SLC4A10: variants seen among roughly 807,000 people sequenced by gnomAD.
SLC4A10 encodes sodium-driven chloride bicarbonate exchanger.
A neutral mutation model predicts 137.7 loss-of-function variants in SLC4A10; 42 were observed. The observed-to-expected ratio is 0.30, with a 90% CI of 0.24 to 0.39. The LOEUF (loss-of-function observed/expected upper bound fraction) is 0.39, where lower values mean the gene tolerates loss of function less well. SLC4A10 is among the 10% of genes least tolerant of loss of function. SLC4A10 has a pLI of 1.00. For synonymous variants in SLC4A10, 474 were observed against 464.1 expected (o/e 1.02, Z -0.27); for missense variants, 925 against 1,355.0 (o/e 0.68, Z 4.98).
intron 11 of SLC4A10, among the ~76,000 whole-genome samples, chr2:161,899,516 A>T (rs2063877626): frequency 6.6e-6 from 1 of 152,084 alleles, no homozygotes; most frequent in African/African-American, 2.4e-5. Context: ...ATTTTATCTA[A>T]TCTATCAATG....
intron 14 of SLC4A10, 82 bp downstream of exon 14, chr2:161,904,991 A>T (rs1273523091): frequency 1.4e-6 from 2 of 1,424,064 alleles, no homozygotes; most frequent in Non-Finnish European, 1.9e-6. Context: ...TCACTTTTGG[A>T]GGTCTGTTGA....
At chr2:161,631,172 A>T (rs1035194222) in intron 1 of SLC4A10, among the ~76,000 whole-genome samples, 2 of 151,706 alleles carry the variant, frequency 1.3e-5, no homozygotes, top group African/African-American at 2.4e-5. Flanking sequence ...GCTAATAGGT[A>T]CAGAGTTTCT....
rs536059413 is a variant in SLC4A10 at position 161,790,535 on chromosome 2, A to G, written c.131-13914A>G. On this transcript the variant is annotated intron_variant, in intron 2 of 26. Transcript: ENST00000446997. Reference sequence around the variant, plus strand: ...CCATTAGTAATAACCAGTGGAGTTAATTAATTACACAGGCATTTGAAATTG... The same window carrying G: ...CCATTAGTAATAACCAGTGGAGTTAGTTAATTACACAGGCATTTGAAATTG... 1.0e-3 allele frequency among the ~76,000 whole-genome samples: 152 copies of G among 152,294 alleles called. No homozygotes were observed. The Middle Eastern group carries it at 0.02, about 20-fold the overall frequency.
chr2:161,851,263 C>T (rs2059815729), intron 4 of SLC4A10, among the ~76,000 whole-genome samples: 1 of 152,094 alleles, frequency 6.6e-6, no homozygotes, highest in Admixed American at 6.5e-5. Context: ...CCAAATATCT[C>T]TTGTTAGTAT....
intron 2 of SLC4A10, among the ~76,000 whole-genome samples, chr2:161,785,261 A>C (rs2053495206): frequency 6.6e-6 from 1 of 151,868 alleles, no homozygotes. Flanking sequence ...AAACAAAGAA[A>C]ATCCCAGGAA....
intron 1 of SLC4A10, among the ~76,000 whole-genome samples, chr2:161,741,642 C>T (rs939717290): frequency 3.9e-5 from 6 of 152,150 alleles, no homozygotes; most frequent in Non-Finnish European, 7.4e-5. Flanking sequence ...TCTGTGTTGT[C>T]ACAAATGGCA....
In SLC4A10 at chr2:161,983,407, G is replaced by A; in HGVS notation, c.*255G>A. ...TTCATTTCTGTGTTTAAACTTCTGA[G>A]CAGTGAGACATCCCTGTGAGCAGAT... On this transcript the variant is annotated 3_prime_UTR_variant, in exon 27 of 27. Coordinates refer to ENST00000446997, the MANE Select transcript of SLC4A10 (RefSeq NM_001178015.2). 1 of 624,006 alleles carries A rather than the reference G, an allele frequency of 1.6e-6. No homozygotes were observed. The highest frequency in any genetic ancestry group is 2.1e-5 in the South Asian group (1 of 48,492). 38.7% of individuals were successfully genotyped at this position (624,006 alleles called of 1,614,324 possible).
At chr2:161,656,732 A>G (rs1332245252) in intron 1 of SLC4A10, among the ~76,000 whole-genome samples, 1 of 152,192 alleles carries the variant, frequency 6.6e-6, no homozygotes, top group East Asian at 1.9e-4. Context: ...ATTCAAGCCA[A>G]TTGAACTTAG....
chr2:161,854,401 G>T (rs541343171), intron 4 of SLC4A10, among the ~76,000 whole-genome samples: 1 of 152,206 alleles, frequency 6.6e-6, no homozygotes, highest in East Asian at 1.9e-4. Flanking sequence ...CCCAGGGATG[G>T]GGTCTGAGCT....
chr2:161,861,875 T>C, intron 5 of SLC4A10, among the ~76,000 whole-genome samples: 1 of 152,312 alleles, frequency 6.6e-6, no homozygotes, highest in South Asian at 2.1e-4. Context: ...TTCATTTCCA[T>C]TTCACACTGA....
rs528156482 is a variant in SLC4A10 at position 161,918,138 on chromosome 2, T to C, written c.1997+12251T>C. 2.0e-4 allele frequency among the ~76,000 whole-genome samples: 30 copies of C among 152,204 alleles called. 1 individual carries two copies. The highest frequency in any genetic ancestry group is 7.2e-4 in the African/African-American group (30 of 41,548). On this transcript the variant is annotated intron_variant, in intron 15 of 26. Transcript: ENST00000446997. ...GTCACTTAAATATCTTCAAGAAGTG[T>C]TTTTGTTGTTTGTTTTGTTTTCATT...
chr2:161,866,194 C>G (rs550915148), intron 6 of SLC4A10, among the ~76,000 whole-genome samples: 1 of 152,098 alleles, frequency 6.6e-6, no homozygotes, highest in East Asian at 1.9e-4. Context: ...GTGTCTTGAG[C>G]ATGTTACCTT....
At chr2:161,778,654 A>G (rs1235008513) in intron 2 of SLC4A10, among the ~76,000 whole-genome samples, 1 of 151,974 alleles carries the variant, frequency 6.6e-6, no homozygotes, top group Non-Finnish European at 1.5e-5. Context: ...TGCATATACT[A>G]AGATAAATCT....
At chr2:161,655,794 G>A (rs146694308) in intron 1 of SLC4A10, among the ~76,000 whole-genome samples, 1 of 150,980 alleles carries the variant, frequency 6.6e-6, no homozygotes, top group African/African-American at 2.5e-5. Flanking sequence ...GCGAATTGTA[G>A]TCAACACACA....
Position 161,959,861 on chromosome 2 carries a change from G to C in SLC4A10, c.2862+1306G>C, listed in dbSNP as rs559048237. 5.3e-5 allele frequency among the ~76,000 whole-genome samples: 8 copies of C among 152,290 alleles called. No individual in the cohort carries two copies. In the South Asian group the frequency reaches 1.5e-3, roughly 28 times the overall value. ...TGTATTCTAAATTTTTACAGAAGCT[G>C]TAGGCAAATTCTTCCCACGTATTTC... On this transcript the variant is annotated intron_variant, in intron 21 of 26. Coordinates refer to ENST00000446997, the MANE Select transcript of SLC4A10 (RefSeq NM_001178015.2).
intron 1 of SLC4A10, among the ~76,000 whole-genome samples, chr2:161,665,675 A>G (rs2038957072): frequency 6.6e-6 from 1 of 151,538 alleles, no homozygotes; most frequent in Admixed American, 6.6e-5. Flanking sequence ...ATTTATTTTT[A>G]TTTTCAAAAA....
chr2:161,804,554 G>A lies in SLC4A10; in HGVS notation c.236G>A (p.Arg79Lys), dbSNP rs1303812995. The A allele has an allele frequency of 6.2e-7, 1 of 1,612,932 alleles. No individual in the cohort carries two copies. Among genetic ancestry groups the A allele is most frequent in the African/African-American group, 1.3e-5 (1 of 74,994 alleles). ...AAACACAGAAAGAGAGACAGAGAAA[G>A]AGATTCAGGATTAGAGGATGGAAGG... is the stretch of plus-strand genomic sequence containing the variant. ...GHKHRKRDRE[R>K]DSGLEDGRES... is the part of the protein sequence containing the mutation. The change falls in exon 3 of 27, where the codon AGA becomes AAA. Residue 79 changes from arginine to lysine, a missense_variant. Arg to Lys is a conservative substitution (Grantham distance 26). Transcript: ENST00000446997.
At chr2:161,882,101 A>C (rs1452331344) in intron 9 of SLC4A10, among the ~76,000 whole-genome samples, 1 of 151,420 alleles carries the variant, frequency 6.6e-6, no homozygotes, top group Admixed American at 6.6e-5. Flanking sequence ...CATGCTGTAC[A>C]GATAACTAAA....
chr2:161,726,822 T>A (rs1158709183), intron 1 of SLC4A10, among the ~76,000 whole-genome samples: 1 of 152,114 alleles, frequency 6.6e-6, no homozygotes, highest in Non-Finnish European at 1.5e-5. Context: ...GGCAGGAGAA[T>A]CAATTGAACC....
Sources: gnomAD v4.1 joint callset for allele counts (sites outside exome capture counted in the v4.1 genomes callset) on GRCh38, gnomAD v4.1.1 for gene constraint, MANE v1.5 for transcripts, NCBI Gene and HGNC (gene_info 2026-07-23, HGNC 2026-07-21) for gene names.